The following WWC2 variants were observed in gnomAD, a reference collection of about 807,000 sequenced individuals.
The protein encoded by WWC2 is WW and C2 domain containing 2.
A neutral mutation model predicts 138.5 loss-of-function variants in WWC2; 101 were observed. The ratio of observed to expected loss-of-function variants is 0.73; its 90% CI spans 0.62 to 0.86. The LOEUF is 0.86. Ranked by LOEUF, WWC2 falls within the 40% of genes least tolerant of loss-of-function variation. The pLI is 0.00. For missense variants in WWC2, 1,420 were observed against 1,419.4 expected (o/e 1.00, Z -0.01); for synonymous variants, 558 against 538.4 (o/e 1.04, Z -0.50).
At chr4:183,193,018 A>G (rs1453574574) in intron 1 of WWC2, among the ~76,000 whole-genome samples, 2 of 152,246 alleles carry the variant, frequency 1.3e-5, no homozygotes, top group East Asian at 3.8e-4. Context: ...GTGAGATCAC[A>G]TTGATATATG....
intron 1 of WWC2, among the ~76,000 whole-genome samples, chr4:183,101,911 T>G (rs1743193431): frequency 6.6e-6 from 1 of 152,220 alleles, no homozygotes; most frequent in Non-Finnish European, 1.5e-5. Context: ...TGTTATTCTG[T>G]TAAGGAAAAG....
intron 16 of WWC2, among the ~76,000 whole-genome samples, chr4:183,274,286 G>T (rs1737785534): frequency 6.6e-6 from 1 of 152,202 alleles, no homozygotes; most frequent in African/African-American, 2.4e-5. Flanking sequence ...CATGGGGGTA[G>T]AATTGGACCT....
At chr4:183,200,745 G>A (rs1262160170) in intron 2 of WWC2, among the ~76,000 whole-genome samples, 2 of 152,208 alleles carry the variant, frequency 1.3e-5, no homozygotes, top group Non-Finnish European at 2.9e-5. Context: ...AGCTCACAAC[G>A]GGGCAGCTTG....
chr4:183,179,298 G>A (rs1379792095), intron 1 of WWC2, among the ~76,000 whole-genome samples: 1 of 152,086 alleles, frequency 6.6e-6, no homozygotes, highest in South Asian at 2.1e-4. Flanking sequence ...ATTGTCTGCA[G>A]TATTTTAATA....
intron 1 of WWC2, among the ~76,000 whole-genome samples, chr4:183,132,603 G>A (rs1308187698): frequency 1.3e-5 from 2 of 151,750 alleles, no homozygotes; most frequent in East Asian, 1.9e-4. Flanking sequence ...ACAGGCGCCC[G>A]CTACCACGCC....
At chr4:183,151,635 A>G (rs1733637651) in intron 1 of WWC2, among the ~76,000 whole-genome samples, 1 of 152,196 alleles carries the variant, frequency 6.6e-6, no homozygotes, top group Admixed American at 6.5e-5. Context: ...CCTGAATGGT[A>G]ATGCCTAGGT....
intron 1 of WWC2, among the ~76,000 whole-genome samples, chr4:183,105,062 C>T (rs1274323785): frequency 6.6e-6 from 1 of 152,162 alleles, no homozygotes; most frequent in Non-Finnish European, 1.5e-5. Context: ...GCACGCCACC[C>T]TGTACCCGGC....
intron 1 of WWC2, among the ~76,000 whole-genome samples, chr4:183,175,910 C>T (rs1222724032): frequency 6.6e-6 from 1 of 152,254 alleles, no homozygotes; most frequent in African/African-American, 2.4e-5. Flanking sequence ...TTTGTCTTCA[C>T]TGTGATGAAG....
chr4:183,223,739 G>A (rs1410970239), intron 4 of WWC2, among the ~76,000 whole-genome samples: 2 of 151,382 alleles, frequency 1.3e-5, no homozygotes, highest in South Asian at 2.1e-4. Context: ...TTTTTGAGAC[G>A]GAGTCTCACC....
Position 183,099,422 on chromosome 4 carries a change from C to T in WWC2, c.-70C>T. ...GTCGCGGGTTGGCAGCCTAGCCCGG[C>T]AGCCGCGTTCCCGCCGCGTCCCGCG... On this transcript the variant is annotated 5_prime_UTR_variant, in exon 1 of 23. Transcript: ENST00000403733. 2 of 1,186,508 alleles carry T rather than the reference C, an allele frequency of 1.7e-6. No homozygotes were observed. Among genetic ancestry groups the T allele is most frequent in the South Asian group, 8.1e-5 (2 of 24,710 alleles). The allele number at this position is 1,186,508 out of a possible 1,614,324, so 73.5% of individuals were successfully genotyped here.
intron 4 of WWC2, among the ~76,000 whole-genome samples, chr4:183,229,439 G>A (rs890821128): frequency 6.6e-6 from 1 of 151,990 alleles, no homozygotes; most frequent in African/African-American, 2.4e-5. Flanking sequence ...TCTTGAATTT[G>A]GGCTGGATCC....
At position 183,319,857 on chromosome 4, in the gene WWC2, AG is replaced by A; in HGVS notation, c.*4130del. 1 of 1,613,984 alleles carries A rather than the reference AG, an allele frequency of 6.2e-7. No individual in the cohort carries two copies. The highest frequency in any genetic ancestry group is 8.5e-7 in the Non-Finnish European group (1 of 1,179,882). On this transcript the variant is annotated 3_prime_UTR_variant, in exon 23 of 23. Transcript: ENST00000403733. ...CGAGGCCCAGGACAGAATTCCTCCC[AG>A]GATCAGCAGTCGCCTCTTGAGATCT... is the stretch of plus-strand genomic sequence containing the variant.
At chr4:183,263,490 T>C (rs1737401301) in intron 11 of WWC2, among the ~76,000 whole-genome samples, 2 of 152,244 alleles carry the variant, frequency 1.3e-5, no homozygotes, top group African/African-American at 4.8e-5. Context: ...TTTTAACTTT[T>C]TAAATGCATA....
chr4:183,242,840 C>G (rs1457193643), intron 5 of WWC2, among the ~76,000 whole-genome samples: 1 of 152,044 alleles, frequency 6.6e-6, no homozygotes, highest in African/African-American at 2.4e-5. Flanking sequence ...TTTAAGTCAG[C>G]AAATGATGCT....
chr4:183,237,551 C>T (rs1736465975), intron 4 of WWC2, among the ~76,000 whole-genome samples: 1 of 152,278 alleles, frequency 6.6e-6, no homozygotes, highest in East Asian at 1.9e-4. Flanking sequence ...CACCCTCATC[C>T]CCAAGCCATA....
In WWC2 at chr4:183,319,706, A is replaced by G; in HGVS notation, c.*3977A>G. 6.2e-7 allele frequency: 1 copy of G among 1,614,128 alleles called. No homozygotes were observed. Among genetic ancestry groups the G allele is most frequent in the Non-Finnish European group, 8.5e-7 (1 of 1,180,028 alleles). On this transcript the variant is annotated 3_prime_UTR_variant, in exon 23 of 23. Transcript: ENST00000403733. The stretch of plus-strand genomic sequence containing the variant: ...CTCCTAGCAGAAGAGAAAGTCCAGC[A>G]AACCAGCCCAGAAACAGGGCCTCCC...
At chr4:183,111,334 T>G in intron 1 of WWC2, among the ~76,000 whole-genome samples, 1 of 152,228 alleles carries the variant, frequency 6.6e-6, no homozygotes, top group Non-Finnish European at 1.5e-5. Context: ...ATAATTGGTA[T>G]GAAGTGGCAG....
At chr4:183,162,724 A>ACCCCATTCCTTCTTC (rs2111143624) in intron 1 of WWC2, among the ~76,000 whole-genome samples, 1 of 151,944 alleles carries the variant, frequency 6.6e-6, no homozygotes, top group South Asian at 2.1e-4. Context: ...CATTCTTCTT[A>ACCCCATTCCTTCTTC]CCCCATTCCT....
Position 183,207,768 on chromosome 4 carries a change from G to A in WWC2, c.242-185G>A, listed in dbSNP as rs370950055. Among the ~76,000 whole-genome samples, 114 of 152,294 alleles carry A rather than the reference G, an allele frequency of 7.5e-4. 1 individual carries two copies. In the East Asian group the frequency reaches 8.7e-3, roughly 12 times the overall value. ...GAGAATACACTGTTGATCAGAACCT[G>A]GAAGAGGAAGGAAGTTGATGAGACT... On this transcript the variant is annotated intron_variant, in intron 2 of 22. Coordinates refer to ENST00000403733, the MANE Select transcript of WWC2 (RefSeq NM_024949.6).
Sources: gnomAD v4.1 joint callset for allele counts (sites outside exome capture counted in the v4.1 genomes callset) on GRCh38, gnomAD v4.1.1 for gene constraint, MANE v1.5 for transcripts, NCBI Gene and HGNC (gene_info 2026-07-23, HGNC 2026-07-21) for gene names.